The following FARS2 variants were observed in gnomAD, a reference collection of about 807,000 sequenced individuals.
FARS2 encodes phenylalanine--tRNA ligase, mitochondrial.
In FARS2, 40 loss-of-function variants were observed where a neutral mutation model predicts 46.4. That is an observed-to-expected ratio of 0.86 (90% CI 0.67 to 1.12). FARS2 has a LOEUF of 1.12. Ranked by LOEUF, FARS2 falls within the 50% of genes most tolerant of loss-of-function variation. The pLI, the probability that FARS2 is intolerant of heterozygous loss-of-function variation, is 0.00. For synonymous variants in FARS2, 234 were observed against 214.9 expected, an observed-to-expected ratio of 1.09 and a Z score of -0.78; for missense variants, 513 against 567.9, an observed-to-expected ratio of 0.90 and a Z score of 0.98.
At position 5,510,670 on chromosome 6, in the gene FARS2, G is replaced by A. The variant is rs1040361029; in HGVS notation, c.905-34510G>A. Among the ~76,000 whole-genome samples, 3 of 152,328 alleles carry A rather than the reference G, an allele frequency of 2.0e-5. No individual in the cohort carries two copies. The South Asian group carries it at 6.2e-4, about 32-fold the overall frequency. ...TAGCACACTCACCAGCGCTGGCCGC[G>A]TGAGAAGCGAGTACGTGAGTGCTGA... On this transcript the variant is annotated intron_variant, in intron 4 of 6. Coordinates refer to ENST00000274680, the MANE Select transcript of FARS2 (RefSeq NM_006567.5).
intron 1 of FARS2, among the ~76,000 whole-genome samples, chr6:5,325,368 C>T (rs111717324): frequency 0.037 from 5,700 of 152,326 alleles, 162 homozygotes; most frequent in Non-Finnish European, 0.06. Flanking sequence ...GTGCACCTAG[C>T]GGGCATGCTA....
chr6:5,325,915 G>A (rs938538887), intron 1 of FARS2, among the ~76,000 whole-genome samples: 5 of 151,998 alleles, frequency 3.3e-5, no homozygotes, highest in Admixed American at 2.6e-4. Flanking sequence ...AAATATGAAA[G>A]CATACATTTT....
rs367656510 is a variant in FARS2 at position 5,489,511 on chromosome 6, A to G, written c.905-55669A>G. Among the ~76,000 whole-genome samples, 19 of 152,320 alleles carry G rather than the reference A, an allele frequency of 1.2e-4. No individual in the cohort carries two copies. The South Asian group carries it at 3.9e-3, about 32-fold the overall frequency. On this transcript the variant is annotated intron_variant, in intron 4 of 6. Transcript: ENST00000274680. ...TGCCTCACTGGGAAGGTGACATTTG[A>G]TGTTTCAATGTTATCATGACATTTG...
At chr6:5,705,586 G>T (rs1758695483) in intron 6 of FARS2, among the ~76,000 whole-genome samples, 3 of 152,298 alleles carry the variant, frequency 2.0e-5, no homozygotes, top group Middle Eastern at 3.4e-3. Context: ...GCTAAAGAGG[G>T]CACAGTGCTT....
intron 6 of FARS2, among the ~76,000 whole-genome samples, chr6:5,629,198 T>C (rs1776175341): frequency 1.3e-5 from 2 of 152,284 alleles, no homozygotes; most frequent in Admixed American, 6.5e-5. Context: ...AAAAATAACT[T>C]TTAAAAAATG....
chr6:5,543,780 G>A (rs1198717620), intron 4 of FARS2, among the ~76,000 whole-genome samples: 5 of 151,942 alleles, frequency 3.3e-5, no homozygotes, highest in African/African-American at 1.2e-4. Flanking sequence ...CAGCCTTCCC[G>A]TGCTGCATCC....
intron 3 of FARS2, among the ~76,000 whole-genome samples, chr6:5,409,882 T>C (rs1013871991): frequency 3.0e-4 from 45 of 152,176 alleles, no homozygotes; most frequent in Middle Eastern, 3.2e-3. Flanking sequence ...GAGCTGTTGT[T>C]GTAGAGGTGT....
chr6:5,340,007 G>C (rs1771442287), intron 1 of FARS2, among the ~76,000 whole-genome samples: 1 of 152,168 alleles, frequency 6.6e-6, no homozygotes, highest in African/African-American at 2.4e-5. Flanking sequence ...GGCTATGGGT[G>C]GTTGGCCTAA....
At chr6:5,275,875 G>T (rs550617838) in intron 1 of FARS2, among the ~76,000 whole-genome samples, 1 of 151,518 alleles carries the variant, frequency 6.6e-6, no homozygotes, top group African/African-American at 2.4e-5. Flanking sequence ...TATCTCTTGC[G>T]TTACGATATA....
At chr6:5,617,140 T>C (rs771107528) in intron 6 of FARS2, among the ~76,000 whole-genome samples, 1 of 151,776 alleles carries the variant, frequency 6.6e-6, no homozygotes, top group Non-Finnish European at 1.5e-5. Flanking sequence ...CTGAAAAAAA[T>C]AAATATTTTT....
At chr6:5,579,217 T>TC (rs1773182501) in intron 5 of FARS2, among the ~76,000 whole-genome samples, 1 of 152,200 alleles carries the variant, frequency 6.6e-6, no homozygotes, top group African/African-American at 2.4e-5. Context: ...AACACATTTT[T>TC]CACTGCTGTT....
chr6:5,666,071 A>G (rs987494296), intron 6 of FARS2, among the ~76,000 whole-genome samples: 20 of 152,200 alleles, frequency 1.3e-4, no homozygotes, highest in Non-Finnish European at 1.0e-4. Context: ...ATAGCATAGC[A>G]GGTCTAGCGT....
intron 5 of FARS2, among the ~76,000 whole-genome samples, chr6:5,559,682 G>C (rs1771879143): frequency 6.6e-6 from 1 of 151,562 alleles, no homozygotes; most frequent in African/African-American, 2.4e-5. Flanking sequence ...ATATGGAAAT[G>C]TAGAGGGCCA....
At chr6:5,342,466 C>G (rs912122595) in intron 1 of FARS2, among the ~76,000 whole-genome samples, 7 of 152,154 alleles carry the variant, frequency 4.6e-5, no homozygotes, top group Non-Finnish European at 8.8e-5. Context: ...GTCAACTAGA[C>G]CAGTTATAGA....
chr6:5,296,929 G>A (rs950503023), intron 1 of FARS2, among the ~76,000 whole-genome samples: 1 of 152,018 alleles, frequency 6.6e-6, no homozygotes, highest in Non-Finnish European at 1.5e-5. Flanking sequence ...AGTTCTTCTG[G>A]GTACAGACCC....
chr6:5,699,069 T>G (rs1758267840), intron 6 of FARS2, among the ~76,000 whole-genome samples: 2 of 152,182 alleles, frequency 1.3e-5, no homozygotes, highest in Non-Finnish European at 2.9e-5. Flanking sequence ...CAAAGTAGAC[T>G]ACAGTTCACA....
At chr6:5,450,137 G>C (rs1764402331) in intron 4 of FARS2, among the ~76,000 whole-genome samples, 1 of 152,210 alleles carries the variant, frequency 6.6e-6, no homozygotes, top group South Asian at 2.1e-4. Flanking sequence ...AACTGTATGA[G>C]GCTACAGATG....
intron 6 of FARS2, among the ~76,000 whole-genome samples, chr6:5,718,826 G>T (rs557008385): frequency 2.6e-5 from 4 of 152,138 alleles, no homozygotes; most frequent in Non-Finnish European, 5.9e-5. Context: ...TGATCCTGGC[G>T]TATTAAATTC....
intron 1 of FARS2, among the ~76,000 whole-genome samples, chr6:5,286,748 T>C (rs1322263796): frequency 6.6e-6 from 1 of 152,222 alleles, no homozygotes; most frequent in Non-Finnish European, 1.5e-5. Flanking sequence ...ATTATGTATA[T>C]AGAACATGCA....
Sources: gnomAD v4.1 joint callset for allele counts (sites outside exome capture counted in the v4.1 genomes callset) on GRCh38, gnomAD v4.1.1 for gene constraint, MANE v1.5 for transcripts, NCBI Gene and HGNC (gene_info 2026-07-23, HGNC 2026-07-21) for gene names.